The following EXOC6B variants were observed in gnomAD, a reference collection of about 807,000 sequenced individuals.
EXOC6B encodes the protein exocyst complex component 6B.
A neutral mutation model predicts 113.5 loss-of-function variants in EXOC6B; 54 were observed. That is an observed-to-expected ratio of 0.48 (90% CI 0.38 to 0.60). EXOC6B has a LOEUF of 0.60. Ranked by LOEUF, EXOC6B falls within the 20% of genes least tolerant of loss-of-function variation. The pLI is 0.00. For synonymous variants in EXOC6B, 357 were observed against 339.0 expected (o/e 1.05, Z -0.58); for missense variants, 797 against 977.5 (o/e 0.82, Z 2.46).
At chr2:72,631,461 TAGAGAG>T (rs372313608) in intron 6 of EXOC6B, among the ~76,000 whole-genome samples, 169 of 9,532 alleles carry the variant, frequency 0.018, no homozygotes, top group Admixed American at 0.027. Flanking sequence ...TATATATATA[TAGAGAG>T]AGAGAGAGAG....
At chr2:72,671,803 GAAAGAAAGAAAGAA>G (rs1675880291) in intron 6 of EXOC6B, among the ~76,000 whole-genome samples, 3 of 116,566 alleles carry the variant, frequency 2.6e-5, no homozygotes, top group African/African-American at 9.1e-5. Flanking sequence ...AAGAAAGAAA[GAAAGAAAGAAAGAA>G]AGAAGAGAAA....
intron 1 of EXOC6B, among the ~76,000 whole-genome samples, chr2:72,822,084 A>G (rs1686614209): frequency 6.6e-6 from 1 of 152,202 alleles, no homozygotes; most frequent in African/African-American, 2.4e-5. Flanking sequence ...TACCAAGTGA[A>G]GAAATGACTT....
intron 1 of EXOC6B, among the ~76,000 whole-genome samples, chr2:72,745,925 AT>A (rs1178660997): frequency 1.3e-5 from 2 of 152,208 alleles, no homozygotes; most frequent in Admixed American, 1.3e-4. Context: ...AAAGTGTGGC[AT>A]TTTTTTCTTT....
intron 12 of EXOC6B, among the ~76,000 whole-genome samples, chr2:72,498,904 G>A (rs977754671): frequency 1.4e-4 from 21 of 151,960 alleles, no homozygotes; most frequent in African/African-American, 4.4e-4. Flanking sequence ...AAAATGCTTC[G>A]AATCTCATCC....
At chr2:72,285,146 T>G (rs142906688) in intron 20 of EXOC6B, among the ~76,000 whole-genome samples, 10 of 152,178 alleles carry the variant, frequency 6.6e-5, no homozygotes, top group Admixed American at 2.6e-4. Flanking sequence ...GAAGAGGCAA[T>G]ATATCCAGAA....
At chr2:72,649,129 G>A (rs1484217898) in intron 6 of EXOC6B, among the ~76,000 whole-genome samples, 1 of 152,110 alleles carries the variant, frequency 6.6e-6, no homozygotes, top group African/African-American at 2.4e-5. Context: ...GACAGGGAGA[G>A]ACCCTGTCTC....
intron 18 of EXOC6B, among the ~76,000 whole-genome samples, chr2:72,407,980 C>G (rs1210977146): frequency 6.6e-6 from 1 of 152,104 alleles, no homozygotes; most frequent in East Asian, 1.9e-4. Context: ...CGTCTCAGCC[C>G]AAAATCTCCT....
At chr2:72,190,659 A>G (rs1304527666) in intron 20 of EXOC6B, among the ~76,000 whole-genome samples, 1 of 152,024 alleles carries the variant, frequency 6.6e-6, no homozygotes, top group Non-Finnish European at 1.5e-5. Context: ...AAACATATGT[A>G]TTTTCTTATA....
intron 1 of EXOC6B, among the ~76,000 whole-genome samples, chr2:72,752,548 A>ACTCT (rs143358400): frequency 2.1e-4 from 18 of 85,560 alleles, no homozygotes; most frequent in African/African-American, 5.3e-4. Context: ...TCTCTCTCTC[A>ACTCT]CTCTCTCTCT....
intron 6 of EXOC6B, among the ~76,000 whole-genome samples, chr2:72,619,186 A>C (rs1450147912): frequency 6.6e-6 from 1 of 151,236 alleles, no homozygotes; most frequent in Non-Finnish European, 1.5e-5. Flanking sequence ...AGCCAGAGAG[A>C]GAGAGAGAGA....
Position 72,179,398 on chromosome 2 carries a change from C to T in EXOC6B, c.2373G>A (p.Lys791=). The T allele has an allele frequency of 6.2e-7, 1 of 1,613,778 alleles. No homozygotes were observed. Among genetic ancestry groups the T allele is most frequent in the South Asian group, 1.1e-5 (1 of 91,062 alleles). ...TGGCCACGGTGTCAATGAGTTTCTG[C>T]TTGTCTCGCTCATTTTTCCGAAACT... ...FAQFRKNERD[K]QKLIDTVAKQ... Residue 791 remains lysine (K), a synonymous_variant, in exon 22 of 22, where the codon AAG becomes AAA. Transcript: ENST00000272427.
At chr2:72,451,023 C>A (rs187458478) in intron 18 of EXOC6B, among the ~76,000 whole-genome samples, 3 of 152,148 alleles carry the variant, frequency 2.0e-5, no homozygotes, top group Non-Finnish European at 4.4e-5. Flanking sequence ...CCCTAGGGAA[C>A]CGATACCTCC....
rs146643795 is a variant in EXOC6B at position 72,283,407 on chromosome 2, G to C, written c.2196+51540C>G. ...AAACTGCTGCCTCTCAAATTGGAAG[G>C]ACAGATAGATAAAGAGAGTCACAAC... On this transcript the variant is annotated intron_variant, in intron 20 of 21. Coordinates refer to ENST00000272427, the MANE Select transcript of EXOC6B (RefSeq NM_015189.3). 6.9e-3 allele frequency among the ~76,000 whole-genome samples: 1,053 copies of C among 152,228 alleles called. 74 individuals carry two copies. Among genetic ancestry groups the C allele is most frequent in the Admixed American group, 0.061 (928 of 15,274 alleles).
At chr2:72,713,942 A>G (rs1679434257) in intron 6 of EXOC6B, among the ~76,000 whole-genome samples, 1 of 152,046 alleles carries the variant, frequency 6.6e-6, no homozygotes, top group Admixed American at 6.6e-5. Context: ...GCAGTGATTG[A>G]CCTCTGGCCA....
At chr2:72,647,529 ATAC>A (rs1277816257) in intron 6 of EXOC6B, among the ~76,000 whole-genome samples, 2 of 152,246 alleles carry the variant, frequency 1.3e-5, no homozygotes, top group African/African-American at 4.8e-5. Context: ...ACATCAAACT[ATAC>A]TACAAGGCTA....
At position 72,672,116 on chromosome 2, in the gene EXOC6B, C is replaced by G. The variant is rs377374730; in HGVS notation, c.669+45987G>C. ...GTGGCAATGTAAATTAGTACAGTCA[C>G]TACAGAGAACTGTATGGAAGTTCCT... is the stretch of plus-strand genomic sequence containing the variant. On this transcript the variant is annotated intron_variant, in intron 6 of 21. Coordinates refer to ENST00000272427, the MANE Select transcript of EXOC6B (RefSeq NM_015189.3). Among the ~76,000 whole-genome samples, 8 of 149,132 alleles carry G rather than the reference C, an allele frequency of 5.4e-5. No homozygotes were observed. The South Asian group carries it at 8.4e-4, about 16-fold the overall frequency.
intron 20 of EXOC6B, among the ~76,000 whole-genome samples, chr2:72,318,898 TAAA>T (rs76837934): frequency 7.0e-6 from 1 of 143,348 alleles, no homozygotes; most frequent in African/African-American, 2.5e-5. Context: ...ATGAAGTTAA[TAAA>T]AAAAAAAAAA....
intron 8 of EXOC6B, among the ~76,000 whole-genome samples, chr2:72,544,377 GTA>G (rs1553438949): frequency 1.3e-5 from 2 of 151,704 alleles, no homozygotes; most frequent in Non-Finnish European, 2.9e-5. Flanking sequence ...CAAGAAAAAC[GTA>G]TATGTTTCAA....
At position 72,496,451 on chromosome 2, in the gene EXOC6B, T is replaced by G. The variant is rs1573256382; in HGVS notation, c.1443+3A>C. ...GAGAAATTTATTTTAAAGTATTCCTTACCTTTTCCAGTTCTATATCTTGAA... is the reference window on the plus strand; with the variant it reads ...GAGAAATTTATTTTAAAGTATTCCTGACCTTTTCCAGTTCTATATCTTGAA... On this transcript the variant is annotated splice_donor_region_variant and intron_variant, in intron 14 of 21. Transcript: ENST00000272427. The G allele has an allele frequency of 1.9e-6, 3 of 1,556,754 alleles. No homozygotes were observed. In the Admixed American group the frequency reaches 5.4e-5, roughly 28 times the overall value.
Sources: allele counts gnomAD v4.1 joint callset (sites outside exome capture counted in the v4.1 genomes callset), GRCh38; gene constraint gnomAD v4.1.1; transcripts MANE v1.5; gene names NCBI Gene and HGNC (gene_info 2026-07-23, HGNC 2026-07-21).